The following SPTAN1 variants were observed in gnomAD, a reference collection of about 807,000 sequenced individuals.
SPTAN1 encodes spectrin alpha, non-erythrocytic 1, also known as spectrin alpha chain, non-erythrocytic 1.
In SPTAN1, 61 loss-of-function variants were observed where a neutral mutation model predicts 331.3. The observed-to-expected ratio is 0.18, with a 90% confidence interval of 0.15 to 0.23. The LOEUF (loss-of-function observed/expected upper bound fraction) is 0.23, where lower values mean the gene tolerates loss of function less well. Among genes scored for constraint, SPTAN1 ranks in the 10% least tolerant of loss-of-function variants. SPTAN1 has a pLI of 1.00. For synonymous variants in SPTAN1, 1,153 were observed against 1,173.9 expected (o/e 0.98, Z 0.36); for missense variants, 2,043 against 3,147.9 (o/e 0.65, Z 8.40).
At chr9:128,618,234 A>G (rs776529646) in intron 43 of SPTAN1, 126 bp downstream of exon 43, 230 of 1,452,022 alleles carry the variant, frequency 1.6e-4, no homozygotes, top group Non-Finnish European at 2.1e-4. Flanking sequence ...CACATGTGCC[A>G]TAGTCGGTTT....
chr9:128,626,102 C>T (rs1858691825), intron 48 of SPTAN1, 124 bp downstream of exon 48: 2 of 1,229,536 alleles, frequency 1.6e-6, no homozygotes, highest in East Asian at 4.9e-5. Context: ...AGCTTTCAAA[C>T]ATGGGTGTGG....
intron 45 of SPTAN1, among the ~76,000 whole-genome samples, chr9:128,622,543 CCCT>C (rs1383593797): frequency 6.6e-6 from 1 of 151,774 alleles, no homozygotes; most frequent in Non-Finnish European, 1.5e-5. Context: ...AGGTGATCCG[CCCT>C]CCTCGGCCTC....
chr9:128,615,875 G>A lies in SPTAN1; in HGVS notation c.5357+35G>A, dbSNP rs749113807. On this transcript the variant is annotated intron_variant, in intron 41 of 56. Transcript: ENST00000372739. ...CTCAGCCCTCTAGAAGGCCCCTTAC[G>A]CCTGTAATAGTGGGCAGCAGGAACC... 2.4e-5 allele frequency: 38 copies of A among 1,607,764 alleles called. No homozygotes were observed. The African/African-American group carries it at 2.9e-4, about 12-fold the overall frequency.
chr9:128,584,302 C>T lies in SPTAN1; in HGVS notation c.2214C>T (p.Thr738=). The change falls in exon 17 of 57, where the codon ACC becomes ACT. Residue 738 remains threonine (T), a synonymous_variant. Transcript: ENST00000372739. ...CCCAGGACCGAATTGATGGCATCAC[C>T]ATTCAGGCCCGCCAGTTCCAAGATG... The part of the protein sequence containing the change: ...AAHQDRIDGI[T]IQARQFQDAG... The T allele has an allele frequency of 6.2e-7, 1 of 1,614,152 alleles. No individual in the cohort carries two copies. Among genetic ancestry groups the T allele is most frequent in the Non-Finnish European group, 8.5e-7 (1 of 1,180,032 alleles).
At chr9:128,590,554 G>A (rs9283363) in intron 21 of SPTAN1, among the ~76,000 whole-genome samples, 126,770 of 133,800 alleles carry the variant, frequency 0.95, 60,237 homozygotes, top group Non-Finnish European at 1. Flanking sequence ...TATTAAAAAA[G>A]AAAAAAAAAA....
rs1848257442 is a variant in SPTAN1, at chr9:128,552,655, C to T, written c.-45C>T. The T allele has an allele frequency of 6.6e-6, 1 of 151,752 alleles. No individual in the cohort carries two copies. The highest frequency in any genetic ancestry group is 2.4e-5 in the African/African-American group (1 of 41,342). The allele number at this position is 151,752 out of a possible 1,614,324, so 9.4% of individuals were successfully genotyped here. A position where few individuals can be genotyped will look rare whatever the true frequency, so the allele number is the denominator to read the frequency against. On this transcript the variant is annotated 5_prime_UTR_variant, in exon 1 of 57. Coordinates refer to ENST00000372739, the MANE Select transcript of SPTAN1 (RefSeq NM_001130438.3). This position sits in a 1 kb window ranked among gnomAD's most constrained non-coding sequence, Gnocchi z 4.6. ...GGAGGCTCCTCGGTCCTTCAGCACC[C>T]CTCGGCCCGACGCACCCACGCCCCT...
chr9:128,599,954 G>A (rs1037198354), intron 26 of SPTAN1, 126 bp from the exon 27 acceptor site: 9 of 982,506 alleles, frequency 9.2e-6, no homozygotes, highest in Admixed American at 5.4e-5. Flanking sequence ...GGAAAATGCT[G>A]TTTTGGTTAA....
At chr9:128,612,018 T>G in intron 38 of SPTAN1, 91 bp from the exon 39 acceptor site, 1 of 1,611,228 alleles carries the variant, frequency 6.2e-7, no homozygotes, top group Non-Finnish European at 8.5e-7. Flanking sequence ...TGTTTTCCAT[T>G]CTCTTCTCTT....
At chr9:128,594,864 T>G (rs914542273) in intron 24 of SPTAN1, among the ~76,000 whole-genome samples, 27 of 150,426 alleles carry the variant, frequency 1.8e-4, no homozygotes, top group Non-Finnish European at 4.0e-4. Context: ...GTCTCTCTTT[T>G]GTCGCCCAGG....
intron 24 of SPTAN1, among the ~76,000 whole-genome samples, chr9:128,597,858 C>T (rs1396336545): frequency 6.6e-6 from 1 of 151,928 alleles, no homozygotes; most frequent in East Asian, 1.9e-4. Flanking sequence ...ACCATATTGG[C>T]CCGGCTGGTC....
At chr9:128,561,481 G>C (rs1204618720) in intron 1 of SPTAN1, among the ~76,000 whole-genome samples, 1 of 150,546 alleles carries the variant, frequency 6.6e-6, no homozygotes, top group African/African-American at 2.4e-5. Flanking sequence ...GGCTAATATG[G>C]TGAAACCCCA....
At chr9:128,584,238 A>G (rs1231459745) in intron 16 of SPTAN1, 44 bp from the exon 17 acceptor site, 1 of 1,613,778 alleles carries the variant, frequency 6.2e-7, no homozygotes, top group South Asian at 1.1e-5. Flanking sequence ...ATACGATAAA[A>G]CCACACCCAA....
chr9:128,604,547 G>T (rs1025877492), intron 29 of SPTAN1, 130 bp downstream of exon 29: 96 of 867,404 alleles, frequency 1.1e-4, no homozygotes, highest in Non-Finnish European at 5.1e-5. Context: ...GTGACATGGG[G>T]TGGGTGCTCA....
At chr9:128,630,534 C>T in intron 52 of SPTAN1, 159 bp downstream of exon 52, 1 of 667,708 alleles carries the variant, frequency 1.5e-6, no homozygotes, top group South Asian at 1.7e-5. Context: ...CTATCTCTCT[C>T]TCTTTTCTTT....
Position 128,552,965 on chromosome 9 carries a change from G to C in SPTAN1, c.-4+269G>C, listed in dbSNP as rs1848295383. The C allele has an allele frequency of 6.6e-6, 1 of 152,328 alleles. No individual in the cohort carries two copies. Among genetic ancestry groups the C allele is most frequent in the Admixed American group, 6.5e-5 (1 of 15,286 alleles). The allele number at this position is 152,328 out of a possible 1,614,324, so 9.4% of individuals were successfully genotyped here. On this transcript the variant is annotated intron_variant, in intron 1 of 56. Transcript: ENST00000372739. This position sits in a 1 kb window ranked among gnomAD's most constrained non-coding sequence, Gnocchi z 4.6. ...GGGGGAGGGGGCGCGAGGCCGCCGGGTCCCTCCCAACCACCCCCAAGCCTG... is the reference window on the plus strand; with the variant it reads ...GGGGGAGGGGGCGCGAGGCCGCCGGCTCCCTCCCAACCACCCCCAAGCCTG...
Position 128,626,609 on chromosome 9 carries a change from C to T in SPTAN1, c.6498C>T (p.Arg2166=), listed in dbSNP as rs72758823. Residue 2166 remains arginine, a synonymous_variant, in exon 49 of 57, where the codon CGC becomes CGT. Transcript: ENST00000372739. The stretch of plus-strand genomic sequence containing the variant: ...TGGACCGCCAGATCAAGAGCTTCCG[C>T]GTAGCCTCCAACCCCTACACCTGGT... The part of the protein sequence containing the change: ...AELDRQIKSF[R]VASNPYTWFT... The T allele has an allele frequency of 4.3e-4, 689 of 1,613,906 alleles. No homozygotes were observed. The highest frequency in any genetic ancestry group is 5.5e-4 in the Non-Finnish European group (654 of 1,179,956).
chr9:128,572,142 G>A (rs960328081), intron 3 of SPTAN1, among the ~76,000 whole-genome samples: 1 of 152,214 alleles, frequency 6.6e-6, no homozygotes, highest in Non-Finnish European at 1.5e-5. Context: ...TTACAGGCGT[G>A]AGCCACTGCA....
chr9:128,597,851 A>G (rs1854518864), intron 24 of SPTAN1, among the ~76,000 whole-genome samples: 1 of 151,536 alleles, frequency 6.6e-6, no homozygotes, highest in Non-Finnish European at 1.5e-5. Flanking sequence ...GGGTTTCACC[A>G]TATTGGCCCG....
Position 128,609,569 on chromosome 9 carries a change from C to A in SPTAN1, c.4759-82C>A, listed in dbSNP as rs549874619. 9.8e-6 allele frequency: 12 copies of A among 1,221,998 alleles called. 1 individual carries two copies. In the South Asian group the frequency reaches 1.4e-4, roughly 15 times the overall value. The allele number at this position is 1,221,998 out of a possible 1,614,324, so 75.7% of individuals were successfully genotyped here. On this transcript the variant is annotated intron_variant, in intron 36 of 56. Coordinates refer to ENST00000372739, the MANE Select transcript of SPTAN1 (RefSeq NM_001130438.3). ...GCTGAGCTTCCTGGGGGAAGTATGACAAAATGAGTTTCTATTTAATAGCTG... is the reference window on the plus strand; with the variant it reads ...GCTGAGCTTCCTGGGGGAAGTATGAAAAAATGAGTTTCTATTTAATAGCTG...
Sources: allele counts gnomAD v4.1 joint callset (sites outside exome capture counted in the v4.1 genomes callset), GRCh38; gene constraint gnomAD v4.1.1; non-coding constraint Gnocchi (gnomAD v3.1); transcripts MANE v1.5; gene names NCBI Gene and HGNC (gene_info 2026-07-23, HGNC 2026-07-21).